The following MED13L variants were observed in gnomAD, a reference collection of about 807,000 sequenced individuals.
MED13L encodes the protein mediator complex subunit 13L.
A neutral mutation model predicts 220.9 loss-of-function variants in MED13L; 7 were observed. That is an observed-to-expected ratio of 0.03 (90% confidence interval 0.02 to 0.06). The LOEUF (loss-of-function observed/expected upper bound fraction) is 0.06, where lower values mean the gene tolerates loss of function less well. Among genes scored for constraint, MED13L ranks in the 10% least tolerant of loss-of-function variants. MED13L has a pLI of 1.00. For missense variants in MED13L, 1,965 were observed against 2,760.5 expected (o/e 0.71, Z 6.46); for synonymous variants, 1,011 against 1,015.2 (o/e 1.00, Z 0.08).
At chr12:116,041,931 G>A (rs1403346298) in intron 4 of MED13L, among the ~76,000 whole-genome samples, 1 of 152,122 alleles carries the variant, frequency 6.6e-6, no homozygotes, top group Non-Finnish European at 1.5e-5. Context: ...GAAAGAAATG[G>A]AGAAATTTAG....
chr12:116,074,971 C>G (rs987996058), intron 4 of MED13L, among the ~76,000 whole-genome samples: 1 of 152,248 alleles, frequency 6.6e-6, no homozygotes, highest in African/African-American at 2.4e-5. Context: ...AAAACAAAAA[C>G]AGGATTAGGA....
Position 116,008,955 on chromosome 12 carries a change from T to C in MED13L, c.1458A>G (p.Pro486=). 6.2e-7 allele frequency: 1 copy of C among 1,614,068 alleles called. No individual in the cohort carries two copies. The highest frequency in any genetic ancestry group is 1.1e-5 in the South Asian group (1 of 91,076). Residue 486 remains proline (P), a synonymous_variant, in exon 10 of 31, where the codon CCA becomes CCG. Coordinates refer to ENST00000281928, the MANE Select transcript of MED13L (RefSeq NM_015335.5). ...GDKLQKRPLI[P]FHHRPSVAEE... Reference sequence around the variant, plus strand: ...CGGCCACAGAGGGCCTATGGTGAAATGGTATTAAGGGTCTCTTTTGCAGCT... The same window carrying C: ...CGGCCACAGAGGGCCTATGGTGAAACGGTATTAAGGGTCTCTTTTGCAGCT...
intron 14 of MED13L, among the ~76,000 whole-genome samples, chr12:115,998,889 TA>T (rs909974283): frequency 2.0e-5 from 3 of 151,788 alleles, no homozygotes; most frequent in Admixed American, 6.6e-5. Context: ...CTGCTGCTTC[TA>T]AAAAAAAGAA....
chr12:116,271,489 G>C (rs1320666395), intron 1 of MED13L, among the ~76,000 whole-genome samples: 1 of 151,890 alleles, frequency 6.6e-6, no homozygotes, highest in Non-Finnish European at 1.5e-5. Flanking sequence ...AGCTACTCGG[G>C]AGGCTGAGGC....
chr12:116,131,565 TAACA>T (rs1187886698), intron 2 of MED13L, among the ~76,000 whole-genome samples: 3 of 152,332 alleles, frequency 2.0e-5, no homozygotes, highest in South Asian at 2.1e-4. Flanking sequence ...CTGTCATCTT[TAACA>T]GACGTTACGA....
intron 2 of MED13L, among the ~76,000 whole-genome samples, chr12:116,169,967 C>T (rs774941882): frequency 6.6e-6 from 1 of 152,114 alleles, no homozygotes; most frequent in African/African-American, 2.4e-5. Flanking sequence ...CGGTGGGCTA[C>T]GATCACGCCA....
At chr12:116,072,109 T>C (rs1870417804) in intron 4 of MED13L, among the ~76,000 whole-genome samples, 3 of 152,342 alleles carry the variant, frequency 2.0e-5, no homozygotes, top group South Asian at 2.1e-4. Flanking sequence ...AAAGGATTAA[T>C]AGGAAACCTG....
At chr12:116,006,103 AT>A in intron 12 of MED13L, 110 bp from the exon 13 acceptor site, 3 of 1,487,640 alleles carry the variant, frequency 2.0e-6, no homozygotes, top group Non-Finnish European at 2.8e-6. Flanking sequence ...GTTTTTCCCT[AT>A]GGTTTTAGTT....
At chr12:116,196,007 G>A (rs1472308859) in intron 2 of MED13L, among the ~76,000 whole-genome samples, 1 of 151,872 alleles carries the variant, frequency 6.6e-6, no homozygotes, top group Non-Finnish European at 1.5e-5. Flanking sequence ...AAGTTGCAGA[G>A]GCAAAGAAGT....
intron 2 of MED13L, among the ~76,000 whole-genome samples, chr12:116,220,344 A>C (rs1423091992): frequency 1.3e-5 from 2 of 152,206 alleles, no homozygotes; most frequent in African/African-American, 4.8e-5. Context: ...TATTATTTAC[A>C]TAGCCAACTT....
At chr12:115,996,720 A>G (rs1878429421) in intron 15 of MED13L, 39 bp from the exon 16 acceptor site, 2 of 1,532,470 alleles carry the variant, frequency 1.3e-6, no homozygotes, top group Non-Finnish European at 1.8e-6. Flanking sequence ...ATATTGGTAA[A>G]CTCTGTAGAA....
intron 1 of MED13L, among the ~76,000 whole-genome samples, chr12:116,240,529 T>G (rs942124570): frequency 5.4e-5 from 8 of 147,998 alleles, no homozygotes; most frequent in African/African-American, 2.0e-4. Flanking sequence ...AGCAGAAGAT[T>G]TATTTTATTT....
At chr12:116,152,578 G>A (rs1261789890) in intron 2 of MED13L, among the ~76,000 whole-genome samples, 1 of 152,104 alleles carries the variant, frequency 6.6e-6, no homozygotes, top group Non-Finnish European at 1.5e-5. Flanking sequence ...GGGGCATAGA[G>A]GTAAAGATTT....
chr12:116,053,970 G>A (rs936936455), intron 4 of MED13L, among the ~76,000 whole-genome samples: 2 of 151,994 alleles, frequency 1.3e-5, no homozygotes, highest in African/African-American at 2.4e-5. Context: ...ATCAAACCTC[G>A]GCTTTGGCCT....
intron 2 of MED13L, among the ~76,000 whole-genome samples, chr12:116,204,374 A>G: frequency 6.6e-6 from 1 of 152,214 alleles, no homozygotes; most frequent in East Asian, 1.9e-4. Flanking sequence ...ATCAGCTAGG[A>G]GTAGCTACTA....
At chr12:115,988,814 GCA>G (rs752058075) in intron 17 of MED13L, among the ~76,000 whole-genome samples, 2 of 152,116 alleles carry the variant, frequency 1.3e-5, no homozygotes, top group Admixed American at 6.5e-5. Flanking sequence ...ACTGATTCAT[GCA>G]CACAGACTGC....
rs1279173887 is a variant in MED13L at position 115,968,827 on chromosome 12, GGACCCA to G, written c.6225+107_6225+112del. 1.1e-4 allele frequency: 148 copies of G among 1,337,812 alleles called. No homozygotes were observed. The African/African-American group carries it at 1.9e-3, about 17-fold the overall frequency. 82.9% of individuals were successfully genotyped at this position (1,337,812 alleles called of 1,614,324 possible). ...CCCACACTTATTTCTCTTGTACCAA[GGACCCA>G]GACCATCAAGAACTGTGCAAGTAGG... On this transcript the variant is annotated intron_variant, in intron 28 of 30. Coordinates refer to ENST00000281928, the MANE Select transcript of MED13L (RefSeq NM_015335.5).
intron 4 of MED13L, among the ~76,000 whole-genome samples, chr12:116,045,274 TG>T (rs1467580416): frequency 6.6e-6 from 1 of 152,198 alleles, no homozygotes; most frequent in Non-Finnish European, 1.5e-5. Context: ...GCTTTTAATC[TG>T]GTCATCCCAA....
At chr12:115,965,025 T>C (rs908331588) in intron 29 of MED13L, among the ~76,000 whole-genome samples, 21 of 152,258 alleles carry the variant, frequency 1.4e-4, no homozygotes, top group African/African-American at 4.6e-4. Flanking sequence ...TGCATTTTTA[T>C]AAACCTTCTT....
Sources: gnomAD v4.1 joint callset for allele counts (sites outside exome capture counted in the v4.1 genomes callset) on GRCh38, gnomAD v4.1.1 for gene constraint, MANE v1.5 for transcripts, NCBI Gene and HGNC (gene_info 2026-07-23, HGNC 2026-07-21) for gene names.